CSNK2A2: variants seen among roughly 807,000 people sequenced by gnomAD.
The protein encoded by CSNK2A2 is casein kinase II subunit alpha'.
In CSNK2A2, 8 loss-of-function variants were observed where a neutral mutation model predicts 54.0. The ratio of observed to expected loss-of-function variants is 0.15; its 90% confidence interval spans 0.09 to 0.27. The LOEUF (loss-of-function observed/expected upper bound fraction) is 0.27. CSNK2A2 is among the 10% of genes least tolerant of loss of function. The pLI is 1.00. For missense variants in CSNK2A2, 242 were observed against 439.4 expected, an observed-to-expected ratio of 0.55 and a Z score of 4.02; for synonymous variants, 141 against 153.9, an observed-to-expected ratio of 0.92 and a Z score of 0.62.
At chr16:58,191,211 G>A (rs956817525) in intron 2 of CSNK2A2, among the ~76,000 whole-genome samples, 5 of 152,130 alleles carry the variant, frequency 3.3e-5, no homozygotes, top group African/African-American at 1.2e-4. Context: ...CCAGGAAATG[G>A]GGGAGGGAGA....
At chr16:58,187,490 C>T (rs138081875) in intron 2 of CSNK2A2, among the ~76,000 whole-genome samples, 6,131 of 152,230 alleles carry the variant, frequency 0.04, 165 homozygotes, top group Non-Finnish European at 0.055. Context: ...ACAACAGTGA[C>T]TGAACACTTC....
At chr16:58,180,719 T>G (rs1001563768) in intron 4 of CSNK2A2, among the ~76,000 whole-genome samples, 2 of 152,152 alleles carry the variant, frequency 1.3e-5, no homozygotes, top group Non-Finnish European at 2.9e-5. Context: ...TTATAATCCA[T>G]TGCACAAATA....
At chr16:58,163,913 C>A in intron 11 of CSNK2A2, 141 bp downstream of exon 11, 3 of 645,488 alleles carry the variant, frequency 4.6e-6, no homozygotes, top group Non-Finnish European at 7.7e-6. Flanking sequence ...TTCTTTCTTG[C>A]TTTTTGACAG....
At chr16:58,182,159 G>T (rs1962058764) in intron 4 of CSNK2A2, among the ~76,000 whole-genome samples, 1 of 150,728 alleles carries the variant, frequency 6.6e-6, no homozygotes, top group Non-Finnish European at 1.5e-5. Context: ...ACCCCAGAGA[G>T]AATTTCTCTA....
chr16:58,178,292 T>C (rs950056989), intron 4 of CSNK2A2, among the ~76,000 whole-genome samples: 5 of 152,062 alleles, frequency 3.3e-5, no homozygotes, highest in African/African-American at 7.2e-5. Flanking sequence ...GCTTTTTTTT[T>C]CTTTCAATTG....
chr16:58,183,093 C>T (rs1962100252), intron 4 of CSNK2A2, among the ~76,000 whole-genome samples: 1 of 152,128 alleles, frequency 6.6e-6, no homozygotes, highest in Non-Finnish European at 1.5e-5. Flanking sequence ...GCGACAGTGG[C>T]TCACACCTAT....
intron 4 of CSNK2A2, among the ~76,000 whole-genome samples, chr16:58,175,855 C>T (rs1367900354): frequency 2.0e-5 from 3 of 152,146 alleles, no homozygotes; most frequent in Non-Finnish European, 4.4e-5. Flanking sequence ...ATGCACAGGC[C>T]AGTACATGGT....
intron 11 of CSNK2A2, chr16:58,162,285 C>T (rs1961406268): frequency 6.6e-6 from 1 of 152,190 alleles, no homozygotes; most frequent in African/African-American, 2.4e-5. Context: ...CCAAAGAGCT[C>T]ACATCTTGCT....
chr16:58,167,267 C>T lies in CSNK2A2; in HGVS notation c.666G>A (p.Met222Ile). ...CCCTTCGAAAGATCATGCTTGCTAACATACAGCCCAAACTCCACATGTCCA... is the reference window on the plus strand; with the variant it reads ...CCCTTCGAAAGATCATGCTTGCTAATATACAGCCCAAACTCCACATGTCCA... ...YSLDMWSLGCMLASMIFRREP... is the reference protein window; with the variant it reads ...YSLDMWSLGCILASMIFRREP... The change falls in exon 8 of 12, where the codon ATG becomes ATA. Residue 222 changes from methionine (M) to isoleucine (I), a missense_variant. Transcript: ENST00000262506. The T allele has an allele frequency of 6.2e-7, 1 of 1,613,834 alleles. No homozygotes were observed. Among genetic ancestry groups the T allele is most frequent in the Non-Finnish European group, 8.5e-7 (1 of 1,179,876 alleles).
At chr16:58,189,111 C>G (rs1051867215) in intron 2 of CSNK2A2, among the ~76,000 whole-genome samples, 1 of 151,942 alleles carries the variant, frequency 6.6e-6, no homozygotes, top group African/African-American at 2.4e-5. Context: ...TGTGTGCCAC[C>G]ACGCCCAGCT....
intron 5 of CSNK2A2, among the ~76,000 whole-genome samples, chr16:58,171,979 ATTTTT>A (rs746200172): frequency 1.0e-3 from 68 of 66,152 alleles, no homozygotes; most frequent in Admixed American, 2.1e-3. Context: ...ATATATATAT[ATTTTT>A]TTTTTTTTTT....
At position 58,197,174 on chromosome 16, in the gene CSNK2A2, T is replaced by G; in HGVS notation, c.105-330A>C. ...GCGGCTCCCCAGCACCTGCTTCTCG[T>G]TTCACATCTTCAAGGTAGACAATGC... On this transcript the variant is annotated intron_variant, in intron 1 of 11. Transcript: ENST00000262506. This position sits in a 1 kb window ranked among gnomAD's most constrained non-coding sequence, Gnocchi z 4.0. The G allele has an allele frequency of 3.0e-6, 1 of 327,968 alleles. No individual in the cohort carries two copies. 20.3% of individuals were successfully genotyped at this position (327,968 alleles called of 1,614,324 possible).
At position 58,158,061 on chromosome 16, in the gene CSNK2A2, TCGA is replaced by T. The variant is rs910155037; in HGVS notation, c.*307_*309del. 1 of 152,398 alleles carries T rather than the reference TCGA, an allele frequency of 6.6e-6. No homozygotes were observed. The highest frequency in any genetic ancestry group is 1.5e-5 in the Non-Finnish European group (1 of 68,002). 9.4% of individuals were successfully genotyped at this position (152,398 alleles called of 1,614,324 possible). A position where few individuals can be genotyped will look rare whatever the true frequency, so the allele number is the denominator to read the frequency against. ...GAAAAACAGGCGGCCACGGGACGAG[TCGA>T]GGGGCTCGGGGAGCAACAGTAACCA... On this transcript the variant is annotated 3_prime_UTR_variant, in exon 12 of 12. Transcript: ENST00000262506.
chr16:58,176,879 C>T (rs769018444), intron 4 of CSNK2A2, among the ~76,000 whole-genome samples: 2 of 152,206 alleles, frequency 1.3e-5, no homozygotes, highest in Non-Finnish European at 2.9e-5. Flanking sequence ...TGACTCCTCA[C>T]TCTGCTGCGT....
chr16:58,194,080 G>A (rs1408069179), intron 2 of CSNK2A2, among the ~76,000 whole-genome samples: 1 of 152,128 alleles, frequency 6.6e-6, no homozygotes, highest in Non-Finnish European at 1.5e-5. Context: ...GATACGAAAC[G>A]TTACTGACTA....
intron 4 of CSNK2A2, among the ~76,000 whole-genome samples, chr16:58,180,679 C>T (rs1192160598): frequency 6.6e-6 from 1 of 151,982 alleles, no homozygotes; most frequent in Non-Finnish European, 1.5e-5. Flanking sequence ...GAGAAGGACC[C>T]TATGACAAAA....
intron 4 of CSNK2A2, among the ~76,000 whole-genome samples, chr16:58,178,153 G>A (rs999592732): frequency 4.6e-5 from 7 of 151,972 alleles, no homozygotes; most frequent in African/African-American, 1.7e-4. Context: ...CTATGTGAGT[G>A]ATTTAGAAAT....
At chr16:58,164,984 G>C (rs1293227066) in intron 10 of CSNK2A2, among the ~76,000 whole-genome samples, 1 of 152,190 alleles carries the variant, frequency 6.6e-6, no homozygotes, top group Non-Finnish European at 1.5e-5. Context: ...GATAATAGGA[G>C]GAAGTTTATT....
chr16:58,196,072 C>G (rs560663077), intron 2 of CSNK2A2, among the ~76,000 whole-genome samples: 23 of 152,216 alleles, frequency 1.5e-4, no homozygotes, highest in Admixed American at 4.6e-4. Flanking sequence ...TAACATACAG[C>G]ATGCACCAAG....
Sources: gnomAD v4.1 joint callset for allele counts (sites outside exome capture counted in the v4.1 genomes callset) on GRCh38, gnomAD v4.1.1 for gene constraint, Gnocchi (gnomAD v3.1) non-coding constraint, MANE v1.5 for transcripts, NCBI Gene and HGNC (gene_info 2026-07-23, HGNC 2026-07-21) for gene names.